Variants in LIN28B observed in about 807,000 individuals in gnomAD.
LIN28B encodes the protein lin-28 RNA binding posttranscriptional regulator B.
Under a neutral mutation model 21.9 loss-of-function variants are expected in LIN28B, and 5 were observed. The ratio of observed to expected loss-of-function variants is 0.23; its 90% CI spans 0.12 to 0.48. LIN28B has a LOEUF of 0.48. LIN28B is among the 20% of genes least tolerant of loss of function. The probability of loss-of-function intolerance (pLI) is 0.98; values close to 1 mark genes in which losing one functional copy is unlikely to be tolerated. For missense variants in LIN28B, 245 were observed against 310.5 expected (o/e 0.79, Z 1.58); for synonymous variants, 109 against 111.3 (o/e 0.98, Z 0.13).
chr6:104,963,350 A>C (rs1290504375), intron 2 of LIN28B, among the ~76,000 whole-genome samples: 1 of 152,182 alleles, frequency 6.6e-6, no homozygotes, highest in Non-Finnish European at 1.5e-5. Context: ...CTGGCCAGGC[A>C]TTTATTATAA....
chr6:105,018,339 A>G (rs1223742315), intron 2 of LIN28B, among the ~76,000 whole-genome samples: 1 of 152,056 alleles, frequency 6.6e-6, no homozygotes, highest in East Asian at 1.9e-4. Context: ...GCATTTTACA[A>G]CCTCATTTTT....
intron 3 of LIN28B, among the ~76,000 whole-genome samples, chr6:105,072,020 C>T (rs988913230): frequency 6.6e-6 from 1 of 151,978 alleles, no homozygotes. Flanking sequence ...AGATGGGATG[C>T]TCAAAGAAAC....
chr6:105,039,035 T>C (rs1214471167), intron 3 of LIN28B, among the ~76,000 whole-genome samples: 1 of 152,224 alleles, frequency 6.6e-6, no homozygotes, highest in Non-Finnish European at 1.5e-5. Flanking sequence ...GGTAGATTTT[T>C]CATGGCAGTG....
At chr6:104,966,222 C>T (rs764377118) in intron 2 of LIN28B, among the ~76,000 whole-genome samples, 3 of 152,160 alleles carry the variant, frequency 2.0e-5, no homozygotes, top group Non-Finnish European at 4.4e-5. Context: ...TTGGCTTCGG[C>T]TCTGCCAGTT....
chr6:104,938,698 A>G (rs984862709), intron 2 of LIN28B, among the ~76,000 whole-genome samples: 1 of 152,032 alleles, frequency 6.6e-6, no homozygotes, highest in African/African-American at 2.4e-5. Context: ...CGTAAATGAT[A>G]AATTCCTTTG....
At chr6:105,076,886 G>A (rs1772436909) in intron 3 of LIN28B, among the ~76,000 whole-genome samples, 2 of 151,746 alleles carry the variant, frequency 1.3e-5, no homozygotes, top group Non-Finnish European at 2.9e-5. Context: ...TTACAAGCGT[G>A]AGCCACCGCC....
At chr6:105,073,399 T>C (rs1402768700) in intron 3 of LIN28B, among the ~76,000 whole-genome samples, 5 of 152,098 alleles carry the variant, frequency 3.3e-5, no homozygotes, top group Non-Finnish European at 7.4e-5. Context: ...TTATTAATCC[T>C]TTTTTTAGTC....
At chr6:105,069,100 C>T (rs967038379) in intron 3 of LIN28B, among the ~76,000 whole-genome samples, 5 of 152,030 alleles carry the variant, frequency 3.3e-5, no homozygotes, top group Non-Finnish European at 5.9e-5. Flanking sequence ...CACCTATAAT[C>T]CCAGCTACAC....
intron 3 of LIN28B, among the ~76,000 whole-genome samples, chr6:105,038,849 C>T (rs1424797224): frequency 2.0e-5 from 3 of 152,166 alleles, no homozygotes; most frequent in African/African-American, 7.2e-5. Flanking sequence ...GCATTACTAA[C>T]CTAAATGAGA....
rs186306889 is a variant in LIN28B at position 105,027,219 on chromosome 6, T to A, written c.383+737T>A. Among the ~76,000 whole-genome samples, 91 of 152,280 alleles carry A rather than the reference T, an allele frequency of 6.0e-4. 1 individual carries two copies. The highest frequency in any genetic ancestry group is 2.0e-3 in the African/African-American group (83 of 41,574). On this transcript the variant is annotated intron_variant, in intron 3 of 3. Coordinates refer to ENST00000345080, the MANE Select transcript of LIN28B (RefSeq NM_001004317.4). The stretch of plus-strand genomic sequence containing the variant: ...ATCTGGATCAAAAAAATATGTATTT[T>A]AAAAATTTCAATACCTAGTTCTAAA...
intron 2 of LIN28B, among the ~76,000 whole-genome samples, chr6:105,013,898 G>T (rs752741598): frequency 6.6e-6 from 1 of 152,044 alleles, no homozygotes; most frequent in Non-Finnish European, 1.5e-5. Context: ...TGTGGGATTG[G>T]TGGTGACGGG....
At chr6:105,002,355 A>G (rs116526654) in intron 2 of LIN28B, among the ~76,000 whole-genome samples, 2,543 of 152,190 alleles carry the variant, frequency 0.017, 73 homozygotes, top group African/African-American at 0.058. Context: ...ATCACTATCT[A>G]TGATAATTCT....
intron 2 of LIN28B, among the ~76,000 whole-genome samples, chr6:105,017,991 G>A (rs577740164): frequency 6.6e-5 from 10 of 152,288 alleles, no homozygotes; most frequent in Non-Finnish European, 1.3e-4. Flanking sequence ...AGTTTCCATT[G>A]GCTGAGTATG....
At chr6:105,060,721 G>A (rs533482890) in intron 3 of LIN28B, among the ~76,000 whole-genome samples, 1 of 152,234 alleles carries the variant, frequency 6.6e-6, no homozygotes, top group East Asian at 1.9e-4. Flanking sequence ...CCATTTCTTT[G>A]AGCCAACCAG....
intron 2 of LIN28B, among the ~76,000 whole-genome samples, chr6:105,001,987 A>G (rs1025008159): frequency 4.6e-5 from 7 of 152,142 alleles, no homozygotes; most frequent in African/African-American, 1.7e-4. Context: ...ATTTGCAGTA[A>G]TGTAAAAACT....
chr6:105,070,478 G>C (rs74718972), intron 3 of LIN28B, among the ~76,000 whole-genome samples: 1 of 151,996 alleles, frequency 6.6e-6, no homozygotes, highest in Non-Finnish European at 1.5e-5. Flanking sequence ...AGGCAAGGTG[G>C]CTAATGCCTG....
At chr6:104,980,962 C>G (rs140910566) in intron 2 of LIN28B, among the ~76,000 whole-genome samples, 9 of 152,100 alleles carry the variant, frequency 5.9e-5, no homozygotes, top group African/African-American at 1.9e-4. Context: ...TCTCTCTTGT[C>G]TTCTGGGTGT....
intron 3 of LIN28B, 48 bp from the exon 4 acceptor site, chr6:105,078,366 G>A (rs1562116694): frequency 6.6e-7 from 1 of 1,526,692 alleles, no homozygotes; most frequent in African/African-American, 1.4e-5. Context: ...TGTGTTTTTG[G>A]ATACATGCTG....
chr6:105,057,229 C>T (rs1205000081), intron 3 of LIN28B, among the ~76,000 whole-genome samples: 3 of 152,050 alleles, frequency 2.0e-5, no homozygotes, highest in Admixed American at 2.0e-4. Context: ...TTTTGTTTTC[C>T]AATCCATCAG....
Sources: gnomAD v4.1 joint callset for allele counts (sites outside exome capture counted in the v4.1 genomes callset) on GRCh38, gnomAD v4.1.1 for gene constraint, MANE v1.5 for transcripts, NCBI Gene and HGNC (gene_info 2026-07-23, HGNC 2026-07-21) for gene names.